The following ADGRL1 variants were observed in gnomAD, a reference collection of about 807,000 sequenced individuals.
ADGRL1 encodes the protein adhesion G protein-coupled receptor L1.
In ADGRL1, 31 loss-of-function variants were observed where a neutral mutation model predicts 148.9. The ratio of observed to expected loss-of-function variants is 0.21; its 90% CI spans 0.16 to 0.28. The LOEUF is 0.28. Ranked by LOEUF, ADGRL1 falls within the 10% of genes least tolerant of loss-of-function variation. The pLI is 1.00. For missense variants in ADGRL1, 1,521 were observed against 2,058.8 expected (o/e 0.74, Z 5.05); for synonymous variants, 937 against 900.3 (o/e 1.04, Z -0.73).
chr19:14,189,643 G>T (rs1568624602), intron 1 of ADGRL1, among the ~76,000 whole-genome samples: 1 of 152,186 alleles, frequency 6.6e-6, no homozygotes, highest in Non-Finnish European at 1.5e-5. Context: ...CCACTGCATG[G>T]GTGGAGCACG....
At position 14,170,803 on chromosome 19, in the gene ADGRL1, A is replaced by T; in HGVS notation, c.285-12T>A. 1.4e-6 allele frequency: 2 copies of T among 1,420,498 alleles called. No individual in the cohort carries two copies. The highest frequency in any genetic ancestry group is 9.9e-7 in the Non-Finnish European group (1 of 1,006,268). 88.0% of individuals were successfully genotyped at this position (1,420,498 alleles called of 1,614,324 possible). A position where few individuals can be genotyped will look rare whatever the true frequency, so the allele number is the denominator to read the frequency against. On this transcript the variant is annotated splice_polypyrimidine_tract_variant and intron_variant, in intron 3 of 22. Coordinates refer to ENST00000361434, the MANE Select transcript of ADGRL1 (RefSeq NM_014921.5). ...TGCGGTTGTTACACCTTCAGAGGAGAAACAGGGCATTGGGAAAGAAACACA... is the reference window on the plus strand; with the variant it reads ...TGCGGTTGTTACACCTTCAGAGGAGTAACAGGGCATTGGGAAAGAAACACA...
chr19:14,203,211 G>T (rs1327825952), intron 1 of ADGRL1, among the ~76,000 whole-genome samples: 4 of 152,218 alleles, frequency 2.6e-5, no homozygotes, highest in Non-Finnish European at 5.9e-5. Flanking sequence ...CCCACAGAGG[G>T]GCTGGAGGAG....
intron 4 of ADGRL1, chr19:14,169,714 C>CA (rs1212247677): frequency 1.3e-5 from 2 of 152,156 alleles, no homozygotes; most frequent in East Asian, 3.9e-4. Context: ...CCGCCACACT[C>CA]AGACACCCTG....
chr19:14,155,415 A>C lies in ADGRL1; in HGVS notation c.3238T>G (p.Phe1080Val). 6.2e-7 allele frequency: 1 copy of C among 1,614,134 alleles called. No homozygotes were observed. Among genetic ancestry groups the C allele is most frequent in the Non-Finnish European group, 8.5e-7 (1 of 1,180,006 alleles). The change falls in exon 18 of 23, where the codon TTC (phenylalanine) becomes GTC (valine). Residue 1080 changes from phenylalanine (F) to valine (V), a missense_variant. Phe to Val is a conservative substitution (Grantham distance 50). This residue lies in a region of ADGRL1 where 185 missense variants were observed against 251.7 expected (regional missense o/e 0.74). Coordinates refer to ENST00000361434, the MANE Select transcript of ADGRL1 (RefSeq NM_014921.5). The surrounding 1 kb of genome is among the most constrained non-coding windows in gnomAD (Gnocchi z 5.0). ...ATGAAGACCCCCTGGAAGGCGTTGAAGGTGGTGAAGAGATAGGCCATGACC... is the reference window on the plus strand; with the variant it reads ...ATGAAGACCCCCTGGAAGGCGTTGACGGTGGTGAAGAGATAGGCCATGACC... The part of the protein sequence containing the change: ...SVVMAYLFTT[F>V]NAFQGVFIFV...
intron 18 of ADGRL1, among the ~76,000 whole-genome samples, chr19:14,153,785 T>C (rs905020686): frequency 2.2e-4 from 34 of 151,362 alleles, no homozygotes; most frequent in Non-Finnish European, 4.3e-4. Flanking sequence ...ACCCCACCTC[T>C]ACTAAAAATA....
intron 4 of ADGRL1, among the ~76,000 whole-genome samples, chr19:14,164,132 G>A (rs2144775547): frequency 1.3e-5 from 2 of 151,780 alleles, no homozygotes; most frequent in East Asian, 3.9e-4. Flanking sequence ...AGTAGCCGAG[G>A]AAGGGATTCC....
At chr19:14,172,615 C>T (rs780317714) in intron 3 of ADGRL1, among the ~76,000 whole-genome samples, 2 of 151,896 alleles carry the variant, frequency 1.3e-5, no homozygotes, top group African/African-American at 4.8e-5. Flanking sequence ...TGGGGCGCAC[C>T]GGTAATCCCA....
chr19:14,151,789 T>G (rs1968225383), intron 22 of ADGRL1, among the ~76,000 whole-genome samples, 174 bp from the exon 23 acceptor site: 1 of 152,110 alleles, frequency 6.6e-6, no homozygotes, highest in South Asian at 2.1e-4. Context: ...TCACTGGCAC[T>G]AGACACACCA....
chr19:14,163,461 G>T, intron 4 of ADGRL1, 55 bp from the exon 5 acceptor site: 2 of 1,224,966 alleles, frequency 1.6e-6, no homozygotes, highest in Non-Finnish European at 1.1e-6. Context: ...AGAGGCGAGA[G>T]GGAGGAGAGA....
In ADGRL1 at chr19:14,150,638, C is replaced by T. The variant is rs1055733160; in HGVS notation, c.*235G>A. The T allele has an allele frequency of 1.8e-6, 1 of 562,940 alleles. No individual in the cohort carries two copies. The highest frequency in any genetic ancestry group is 3.1e-6 in the Non-Finnish European group (1 of 322,440). 34.9% of individuals were successfully genotyped at this position (562,940 alleles called of 1,614,324 possible). A position where few individuals can be genotyped will look rare whatever the true frequency, so the allele number is the denominator to read the frequency against. The stretch of plus-strand genomic sequence containing the variant: ...GTCCTCTGGGCTCCTCCTCACTACA[C>T]TTCCCCCAAATAGAGCTGGTGCGTG... On this transcript the variant is annotated 3_prime_UTR_variant, in exon 23 of 23. Transcript: ENST00000361434.
At chr19:14,158,229 A>C (rs1051514973) in intron 12 of ADGRL1, 109 bp downstream of exon 12, 1 of 1,304,534 alleles carries the variant, frequency 7.7e-7, no homozygotes, top group Admixed American at 1.8e-5. Flanking sequence ...CTAAAGTGGA[A>C]GAACCCATAA....
Position 14,183,696 on chromosome 19 carries a change from G to T in ADGRL1, c.-94C>A. 1 of 1,138,998 alleles carries T rather than the reference G, an allele frequency of 8.8e-7. No homozygotes were observed. Among genetic ancestry groups the T allele is most frequent in the Non-Finnish European group, 1.3e-6 (1 of 796,800 alleles). 70.6% of individuals were successfully genotyped at this position (1,138,998 alleles called of 1,614,324 possible). Reference sequence around the variant, plus strand: ...GCAGGCACCACGGCCTGGACCACCAGCCTGGGGGAGGACAGGGAGACTGAG... The same window carrying T: ...GCAGGCACCACGGCCTGGACCACCATCCTGGGGGAGGACAGGGAGACTGAG... On this transcript the variant is annotated splice_region_variant and 5_prime_UTR_variant, in exon 2 of 23. It adds an upstream start codon to the 5' untranslated region. Transcript: ENST00000361434.
Position 14,151,371 on chromosome 19 carries a change from AGGG to A in ADGRL1, c.3909_3911del (p.Pro1304del), listed in dbSNP as rs1175484247. Reference sequence around the variant, plus strand: ...CCCCGCCCCCTGGCACAGGTGGCACAGGGGGCTCAGGCGGTGGAGGGCCCTTGG... The same window carrying A: ...CCCCGCCCCCTGGCACAGGTGGCACAGGCTCAGGCGGTGGAGGGCCCTTGG... On this transcript the variant is annotated inframe_deletion, in exon 23 of 23. Transcript: ENST00000361434. The A allele has an allele frequency of 1.2e-6, 2 of 1,602,082 alleles. No homozygotes were observed. The highest frequency in any genetic ancestry group is 2.7e-5 in the African/African-American group (2 of 74,688).
chr19:14,185,573 C>T (rs1971530054), intron 1 of ADGRL1, among the ~76,000 whole-genome samples: 1 of 151,840 alleles, frequency 6.6e-6, no homozygotes, highest in Admixed American at 6.6e-5. Flanking sequence ...GGATTACAGG[C>T]GTGAGCCACT....
Position 14,162,826 on chromosome 19 carries a change from G to A in ADGRL1, c.975C>T (p.Ser325=), listed in dbSNP as rs1332781717. Residue 325 remains serine, a synonymous_variant, in exon 5 of 23, where the codon TCC becomes TCT. Coordinates refer to ENST00000361434, the MANE Select transcript of ADGRL1 (RefSeq NM_014921.5). This position sits in a 1 kb window ranked among gnomAD's most constrained non-coding sequence, Gnocchi z 5.4. ...CCTCGCTGTCATCATCCACGTACAC[G>A]GAACGCAGGACGTACAGGACCCCAC... ...MVCGVLYVLR[S]VYVDDDSEAA... is the part of the protein sequence containing the mutation. The A allele has an allele frequency of 1.5e-5, 24 of 1,613,882 alleles. No homozygotes were observed. Among genetic ancestry groups the A allele is most frequent in the Admixed American group, 3.3e-5 (2 of 59,992 alleles).
chr19:14,199,288 T>C (rs1232759914), intron 1 of ADGRL1, among the ~76,000 whole-genome samples: 2 of 152,078 alleles, frequency 1.3e-5, no homozygotes, highest in Non-Finnish European at 2.9e-5. Flanking sequence ...CCACACATCT[T>C]TTTTGGAGCA....
chr19:14,187,407 G>A (rs1971641171), intron 1 of ADGRL1, among the ~76,000 whole-genome samples: 1 of 152,102 alleles, frequency 6.6e-6, no homozygotes, highest in Non-Finnish European at 1.5e-5. Flanking sequence ...CAGGACACCT[G>A]GTCCAGACCC....
chr19:14,158,935 G>A (rs1969057054), intron 11 of ADGRL1, among the ~76,000 whole-genome samples, 155 bp downstream of exon 11: 1 of 152,008 alleles, frequency 6.6e-6, no homozygotes, highest in Admixed American at 6.6e-5. Flanking sequence ...GGGCTCTGCA[G>A]CACTTCAGGG....
intron 1 of ADGRL1, among the ~76,000 whole-genome samples, chr19:14,195,637 C>T (rs1227081147): frequency 6.6e-6 from 1 of 152,276 alleles, no homozygotes; most frequent in Middle Eastern, 3.4e-3. Context: ...TTCAGGAAGC[C>T]CTCAGGCATC....
Sources: gnomAD v4.1 joint callset for allele counts (sites outside exome capture counted in the v4.1 genomes callset) on GRCh38, gnomAD v4.1.1 for gene constraint, gnomAD v4.1.1 regional missense constraint, Gnocchi (gnomAD v3.1) non-coding constraint, MANE v1.5 for transcripts, NCBI Gene and HGNC (gene_info 2026-07-23, HGNC 2026-07-21) for gene names.